The following PAMR1 variants were observed in gnomAD, a reference collection of about 807,000 sequenced individuals.
PAMR1 encodes the protein peptidase domain containing associated with muscle regeneration 1, also known as inactive serine protease PAMR1.
A neutral mutation model predicts 81.8 loss-of-function variants in PAMR1; 88 were observed. That is an observed-to-expected ratio of 1.08 (90% confidence interval 0.91 to 1.28). The LOEUF is 1.28. Ranked by LOEUF, PAMR1 falls within the 50% of genes most tolerant of loss-of-function variation. PAMR1 has a pLI of 0.00. For missense variants in PAMR1, 935 were observed against 919.7 expected (o/e 1.02, Z -0.21); for synonymous variants, 336 against 345.3 (o/e 0.97, Z 0.30).
At chr11:35,501,381 C>T (rs1385564281) in intron 1 of PAMR1, among the ~76,000 whole-genome samples, 4 of 152,166 alleles carry the variant, frequency 2.6e-5, no homozygotes, top group African/African-American at 9.6e-5. Flanking sequence ...AATTCACCTG[C>T]TTTGGCCTCC....
At chr11:35,446,046 C>T (rs566028632) in intron 6 of PAMR1, among the ~76,000 whole-genome samples, 1 of 152,280 alleles carries the variant, frequency 6.6e-6, no homozygotes, top group South Asian at 2.1e-4. Flanking sequence ...CAAATTCTTC[C>T]TGGTTCAGTC....
chr11:35,505,099 C>A (rs532920516), intron 1 of PAMR1, among the ~76,000 whole-genome samples: 1 of 152,076 alleles, frequency 6.6e-6, no homozygotes, highest in South Asian at 2.1e-4. Context: ...TTCTTAATTT[C>A]TTTATTGACC....
intron 6 of PAMR1, among the ~76,000 whole-genome samples, chr11:35,459,871 C>T (rs563548136): frequency 5.3e-5 from 8 of 152,322 alleles, no homozygotes; most frequent in Admixed American, 4.6e-4. Flanking sequence ...CTTATTTCCC[C>T]AGTGCCTGGT....
chr11:35,452,136 T>C (rs1376361097), intron 6 of PAMR1, among the ~76,000 whole-genome samples: 1 of 151,680 alleles, frequency 6.6e-6, no homozygotes, highest in African/African-American at 2.4e-5. Context: ...TTCGAGGAAA[T>C]AAAACAAGAT....
intron 3 of PAMR1, among the ~76,000 whole-genome samples, chr11:35,485,430 C>CT (rs1287578920): frequency 1.3e-5 from 2 of 152,046 alleles, no homozygotes; most frequent in Non-Finnish European, 2.9e-5. Flanking sequence ...AAGAACAGCT[C>CT]TTTTTTTAAT....
intron 1 of PAMR1, among the ~76,000 whole-genome samples, chr11:35,524,733 G>C (rs1376282323): frequency 6.6e-6 from 1 of 152,176 alleles, no homozygotes; most frequent in Non-Finnish European, 1.5e-5. Context: ...CTGCCAGCAA[G>C]CAGGATCTGC....
Position 35,436,029 on chromosome 11 carries a change from A to G in PAMR1, c.1207T>C (p.Tyr403His). ...TGGAGCTGGGTATGCAGATGTTGGTATCCCATGGGCAGATCTCCAAAGGGA... is the reference window on the plus strand; with the variant it reads ...TGGAGCTGGGTATGCAGATGTTGGTGTCCCATGGGCAGATCTCCAAAGGGA... ...ALPFGDLPMG[Y>H]QHLHTQLQYE... Residue 403 changes from tyrosine to histidine, a missense_variant, in exon 9 of 11, where the codon TAC becomes CAC. Tyr to His is a moderately conservative substitution (Grantham distance 83). Transcript: ENST00000619888. 2.5e-6 allele frequency: 4 copies of G among 1,614,058 alleles called. No homozygotes were observed. The highest frequency in any genetic ancestry group is 3.4e-6 in the Non-Finnish European group (4 of 1,179,992).
chr11:35,496,340 G>A (rs1362287271), intron 1 of PAMR1, among the ~76,000 whole-genome samples: 9 of 152,138 alleles, frequency 5.9e-5, no homozygotes, highest in Non-Finnish European at 1.3e-4. Context: ...CCCACAAAAT[G>A]GGAGAAAATA....
At chr11:35,522,091 T>G (rs572008709) in intron 1 of PAMR1, among the ~76,000 whole-genome samples, 26 of 152,076 alleles carry the variant, frequency 1.7e-4, no homozygotes, top group Admixed American at 1.4e-3. Flanking sequence ...CCCAGCTAAT[T>G]TTTTGTATTT....
chr11:35,432,152 G>T lies in PAMR1; in HGVS notation c.*204C>A. The T allele has an allele frequency of 1.7e-6, 1 of 579,550 alleles. No individual in the cohort carries two copies. The highest frequency in any genetic ancestry group is 2.3e-5 in the South Asian group (1 of 44,212). The allele number at this position is 579,550 out of a possible 1,614,324, so 35.9% of individuals were successfully genotyped here. A position where few individuals can be genotyped will look rare whatever the true frequency, so the allele number is the denominator to read the frequency against. ...TTGCAAGCCCTGGCATCTTCCAATT[G>T]GCTGTCCTAGTAGTGGACGCGGCAT... On this transcript the variant is annotated 3_prime_UTR_variant, in exon 11 of 11. Transcript: ENST00000619888.
rs1481589177 is a variant in PAMR1, at chr11:35,474,659, A to G, written c.465T>C (p.His155=). Residue 155 remains histidine (H), a synonymous_variant, in exon 4 of 11, where the codon CAT becomes CAC. Coordinates refer to ENST00000619888, the MANE Select transcript of PAMR1 (RefSeq NM_001001991.3). ...PLNAHCEWTI[H]AKPGFVIQLR... ...GTTGGATGACAAACCCAGGTTTAGC[A>G]TGAATGGTCCATTCACAGTGAGCAT... 1 of 1,607,344 alleles carries G rather than the reference A, an allele frequency of 6.2e-7. No individual in the cohort carries two copies. Among genetic ancestry groups the G allele is most frequent in the Non-Finnish European group, 8.5e-7 (1 of 1,176,956 alleles).
chr11:35,476,046 G>A (rs149913385), intron 3 of PAMR1, among the ~76,000 whole-genome samples: 344 of 152,326 alleles, frequency 2.3e-3, no homozygotes, highest in African/African-American at 7.5e-3. Context: ...TATTTCTAGT[G>A]TTAGGAAAAG....
intron 7 of PAMR1, 118 bp from the exon 8 acceptor site, chr11:35,439,811 C>G (rs1050221785): frequency 1.3e-6 from 1 of 793,016 alleles, no homozygotes; most frequent in Non-Finnish European, 2.2e-6. Flanking sequence ...TCCCCAGGCT[C>G]TCAGAGGCAA....
At chr11:35,462,114 C>T (rs563744260) in intron 6 of PAMR1, among the ~76,000 whole-genome samples, 1 of 152,102 alleles carries the variant, frequency 6.6e-6, no homozygotes, top group African/African-American at 2.4e-5. Flanking sequence ...TCCAAAATGA[C>T]CAGCAGGGGA....
chr11:35,508,609 G>A (rs1477708623), intron 1 of PAMR1, among the ~76,000 whole-genome samples: 1 of 146,994 alleles, frequency 6.8e-6, no homozygotes, highest in Non-Finnish European at 1.5e-5. Context: ...TATCATGCAG[G>A]TTTGGTGTAC....
chr11:35,443,273 GC>G (rs1856216386), intron 6 of PAMR1, among the ~76,000 whole-genome samples: 3 of 151,674 alleles, frequency 2.0e-5, no homozygotes, highest in African/African-American at 7.3e-5. Context: ...GTAAACGTGT[GC>G]CATGGTGGTT....
intron 3 of PAMR1, among the ~76,000 whole-genome samples, chr11:35,478,083 A>G (rs902675403): frequency 2.6e-5 from 4 of 152,108 alleles, no homozygotes; most frequent in Non-Finnish European, 5.9e-5. Context: ...GGGGATCCCA[A>G]TTTAGAACCA....
chr11:35,435,455 A>T (rs1856019768), intron 9 of PAMR1, among the ~76,000 whole-genome samples: 1 of 152,102 alleles, frequency 6.6e-6, no homozygotes, highest in Non-Finnish European at 1.5e-5. Flanking sequence ...TGACCCACCC[A>T]CCTTGGGCTC....
intron 6 of PAMR1, among the ~76,000 whole-genome samples, chr11:35,449,595 C>T (rs776203618): frequency 3.9e-5 from 6 of 152,164 alleles, no homozygotes; most frequent in Non-Finnish European, 5.9e-5. Context: ...CAACTGAAAC[C>T]GCAGTGATGG....
Sources: allele counts gnomAD v4.1 joint callset (sites outside exome capture counted in the v4.1 genomes callset), GRCh38; gene constraint gnomAD v4.1.1; transcripts MANE v1.5; gene names NCBI Gene and HGNC (gene_info 2026-07-23, HGNC 2026-07-21).